The following MSRA variants were observed in gnomAD, a reference collection of about 807,000 sequenced individuals.
MSRA encodes mitochondrial peptide methionine sulfoxide reductase.
A neutral mutation model predicts 31.3 loss-of-function variants in MSRA; 54 were observed. The ratio of observed to expected loss-of-function variants is 1.73; its 90% CI spans 1.39 to 2.17. The LOEUF is 2.17. Among genes scored for constraint, MSRA ranks in the 30% most tolerant of loss-of-function variants. The pLI, the probability that MSRA is intolerant of heterozygous loss-of-function variation, is 0.00. For synonymous variants in MSRA, 169 were observed against 116.5 expected, an observed-to-expected ratio of 1.45 and a Z score of -2.90; for missense variants, 507 against 300.9, an observed-to-expected ratio of 1.69 and a Z score of -5.07.
chr8:10,109,025 T>A (rs1585165092), intron 1 of MSRA, among the ~76,000 whole-genome samples: 1 of 152,062 alleles, frequency 6.6e-6, no homozygotes, highest in South Asian at 2.1e-4. Flanking sequence ...TGGAGAAGGG[T>A]TTTAAGTTTT....
chr8:10,261,911 G>A (rs1392611978), intron 3 of MSRA, among the ~76,000 whole-genome samples: 1 of 152,134 alleles, frequency 6.6e-6, no homozygotes, highest in Non-Finnish European at 1.5e-5. Context: ...TTTTACCTTT[G>A]ATAGTTCCGC....
At chr8:10,139,392 T>A (rs1257007909) in intron 1 of MSRA, among the ~76,000 whole-genome samples, 1 of 152,138 alleles carries the variant, frequency 6.6e-6, no homozygotes, top group Non-Finnish European at 1.5e-5. Flanking sequence ...TATACTAAAT[T>A]CGGGGGCGGG....
intron 3 of MSRA, among the ~76,000 whole-genome samples, chr8:10,283,870 T>C (rs868718989): frequency 0.013 from 1,294 of 101,246 alleles, 16 homozygotes; most frequent in African/African-American, 0.03. Flanking sequence ...CACACACACA[T>C]ATATATTACA....
intron 2 of MSRA, among the ~76,000 whole-genome samples, chr8:10,227,461 A>G (rs1266412221): frequency 6.6e-6 from 1 of 152,152 alleles, no homozygotes; most frequent in Non-Finnish European, 1.5e-5. Context: ...AGGGGTTATG[A>G]AGATTTCCAG....
At chr8:10,095,954 A>G in intron 1 of MSRA, 1 of 1,367,188 alleles carries the variant, frequency 7.3e-7, no homozygotes, top group South Asian at 2.0e-5. Flanking sequence ...TAGAGGGAAT[A>G]TTAATTTTCT....
At chr8:10,379,541 A>G (rs1463999057) in intron 5 of MSRA, among the ~76,000 whole-genome samples, 3 of 152,158 alleles carry the variant, frequency 2.0e-5, no homozygotes, top group Non-Finnish European at 4.4e-5. Flanking sequence ...CCCAGCAGGA[A>G]GGCCAGTCCT....
At chr8:10,160,185 C>T (rs1181755913) in intron 1 of MSRA, among the ~76,000 whole-genome samples, 1 of 152,082 alleles carries the variant, frequency 6.6e-6, no homozygotes, top group Non-Finnish European at 1.5e-5. Flanking sequence ...TCATACAGCC[C>T]CAACAGGTGA....
At chr8:10,126,687 A>G (rs918451380) in intron 1 of MSRA, among the ~76,000 whole-genome samples, 1 of 151,860 alleles carries the variant, frequency 6.6e-6, no homozygotes, top group Admixed American at 6.6e-5. Context: ...TAATTTTTGT[A>G]TTTTTTAGTA....
intron 1 of MSRA, among the ~76,000 whole-genome samples, chr8:10,064,640 A>G (rs1797368161): frequency 6.6e-6 from 1 of 152,232 alleles, no homozygotes; most frequent in Admixed American, 6.5e-5. Context: ...AATTCTTTCA[A>G]AGATGTTACC....
chr8:10,145,679 C>T (rs947008895), intron 1 of MSRA, among the ~76,000 whole-genome samples: 1 of 152,150 alleles, frequency 6.6e-6, no homozygotes, highest in East Asian at 1.9e-4. Flanking sequence ...CAAGTGGTTT[C>T]CCTGAAATGT....
intron 1 of MSRA, among the ~76,000 whole-genome samples, chr8:10,164,125 G>A (rs571120362): frequency 1.3e-5 from 2 of 152,176 alleles, no homozygotes; most frequent in African/African-American, 4.8e-5. Flanking sequence ...TACACAGCTA[G>A]CGTTTTATTG....
intron 3 of MSRA, among the ~76,000 whole-genome samples, chr8:10,264,394 G>T (rs1364960869): frequency 6.6e-6 from 1 of 152,204 alleles, no homozygotes; most frequent in Non-Finnish European, 1.5e-5. Context: ...TTAAATGATT[G>T]CAAGATATAT....
At chr8:10,175,126 C>T (rs915408430) in intron 1 of MSRA, among the ~76,000 whole-genome samples, 1 of 152,156 alleles carries the variant, frequency 6.6e-6, no homozygotes, top group African/African-American at 2.4e-5. Context: ...ACTCACCCTC[C>T]TCTACTATGG....
intron 1 of MSRA, among the ~76,000 whole-genome samples, chr8:10,162,262 T>C (rs979520988): frequency 6.6e-6 from 1 of 152,114 alleles, no homozygotes; most frequent in Non-Finnish European, 1.5e-5. Context: ...GGGAGTCTGG[T>C]GAGTGGTCAG....
At chr8:10,174,703 T>C (rs897344389) in intron 1 of MSRA, among the ~76,000 whole-genome samples, 4 of 152,186 alleles carry the variant, frequency 2.6e-5, no homozygotes, top group Non-Finnish European at 5.9e-5. Context: ...CTTTCATTGC[T>C]GGTTAGACGT....
chr8:10,249,045 C>T (rs758238328), intron 3 of MSRA, among the ~76,000 whole-genome samples: 3 of 152,110 alleles, frequency 2.0e-5, no homozygotes, highest in African/African-American at 7.2e-5. Context: ...TGAGCTAGAA[C>T]AGCCTGGGAG....
At chr8:10,362,408 A>T (rs1460305193) in intron 5 of MSRA, among the ~76,000 whole-genome samples, 1 of 150,888 alleles carries the variant, frequency 6.6e-6, no homozygotes. Context: ...TCTTGATACA[A>T]ATTTAACTAC....
chr8:10,380,608 T>C (rs1411007938), intron 5 of MSRA, among the ~76,000 whole-genome samples: 1 of 152,258 alleles, frequency 6.6e-6, no homozygotes, highest in Non-Finnish European at 1.5e-5. Context: ...GTAATTTCTT[T>C]CCTTTTCTAG....
intron 5 of MSRA, among the ~76,000 whole-genome samples, chr8:10,417,201 G>A (rs1262202414): frequency 6.6e-6 from 1 of 152,146 alleles, no homozygotes; most frequent in Non-Finnish European, 1.5e-5. Flanking sequence ...AAAGCTGGGA[G>A]GGTCAGTGAG....
Sources: gnomAD v4.1 joint callset for allele counts (sites outside exome capture counted in the v4.1 genomes callset) on GRCh38, gnomAD v4.1.1 for gene constraint, MANE v1.5 for transcripts, NCBI Gene and HGNC (gene_info 2026-07-23, HGNC 2026-07-21) for gene names.